The following EPM2A variants were observed in gnomAD, a reference collection of about 807,000 sequenced individuals.
EPM2A encodes the protein laforin.
In EPM2A, 21 loss-of-function variants were observed where a neutral mutation model predicts 26.5. The observed-to-expected ratio is 0.79, with a 90% CI of 0.56 to 1.14. The LOEUF is 1.14. Among genes scored for constraint, EPM2A ranks in the 50% most tolerant of loss-of-function variants. The pLI is 0.00. For missense variants in EPM2A, 458 were observed against 440.8 expected (o/e 1.04, Z -0.35); for synonymous variants, 217 against 177.6 (o/e 1.22, Z -1.76).
At chr6:145,535,436 A>G (rs1780418066) in intron 2 of EPM2A, among the ~76,000 whole-genome samples, 2 of 152,154 alleles carry the variant, frequency 1.3e-5, no homozygotes, top group Non-Finnish European at 2.9e-5. Flanking sequence ...AATTGGTTTG[A>G]GGTGGGATCT....
At chr6:145,565,264 A>T (rs1309460625) in intron 2 of EPM2A, among the ~76,000 whole-genome samples, 2 of 152,104 alleles carry the variant, frequency 1.3e-5, no homozygotes, top group African/African-American at 2.4e-5. Context: ...CCAGAAAATG[A>T]CACAGTCCCC....
At chr6:145,497,542 G>C (rs1779837275), downstream of EPM2A, among the ~76,000 whole-genome samples, 1 of 47,900 alleles carries the variant, frequency 2.1e-5, no homozygotes, top group Non-Finnish European at 4.9e-5. Context: ...ACTTAAGGAA[G>C]TGATCTAGCC....
intron 4 of EPM2A, among the ~76,000 whole-genome samples, chr6:145,409,951 G>C (rs1007810058): frequency 6.6e-6 from 1 of 152,164 alleles, no homozygotes; most frequent in African/African-American, 2.4e-5. Flanking sequence ...AGAGACCAAG[G>C]TGACAGTTAC....
intron 4 of EPM2A, among the ~76,000 whole-genome samples, chr6:145,458,073 A>T (rs895314231): frequency 3.9e-5 from 6 of 152,158 alleles, no homozygotes; most frequent in African/African-American, 1.4e-4. Context: ...TCAGTGCTAC[A>T]CTCACCTATG....
chr6:145,514,985 G>A lies in EPM2A; in HGVS notation c.341-12410C>T, dbSNP rs899247127. 3.5e-4 allele frequency among the ~76,000 whole-genome samples: 53 copies of A among 152,300 alleles called. 1 individual carries two copies. Among genetic ancestry groups the A allele is most frequent in the South Asian group, 2.1e-4 (1 of 4,828 alleles). On this transcript the variant is annotated intron_variant, in intron 2 of 3. Coordinates refer to the EPM2A transcript ENST00000450221. ...AGAAGTACATTGCTGGGGAGCACTTGCATATTTGGAAAGCTCTGCACTAGC... is the reference window on the plus strand; with the variant it reads ...AGAAGTACATTGCTGGGGAGCACTTACATATTTGGAAAGCTCTGCACTAGC...
At chr6:145,517,158 G>C (rs1780139384) in intron 2 of EPM2A, among the ~76,000 whole-genome samples, 1 of 152,132 alleles carries the variant, frequency 6.6e-6, no homozygotes, top group African/African-American at 2.4e-5. Context: ...CAAACTCATA[G>C]AAACTAAAAG....
chr6:145,425,597 C>T (rs894812796), intron 4 of EPM2A, among the ~76,000 whole-genome samples: 2 of 148,880 alleles, frequency 1.3e-5, no homozygotes, highest in Non-Finnish European at 3.0e-5. Context: ...TAAATCAATC[C>T]ATTCCTTTAA....
intron 2 of EPM2A, among the ~76,000 whole-genome samples, chr6:145,547,774 CACA>C (rs1042619423): frequency 2.0e-5 from 3 of 152,180 alleles, no homozygotes; most frequent in Admixed American, 6.5e-5. Flanking sequence ...GGGCAAATTA[CACA>C]ACAAGAGGAC....
downstream of EPM2A, among the ~76,000 whole-genome samples, chr6:145,624,198 T>C (rs1383267078): frequency 6.6e-6 from 1 of 152,152 alleles, no homozygotes; most frequent in Non-Finnish European, 1.5e-5. Context: ...GCTGCTCCCT[T>C]TTCCTACTGC....
intron 4 of EPM2A, among the ~76,000 whole-genome samples, chr6:145,495,983 T>A (rs1362894922): frequency 6.6e-6 from 1 of 152,244 alleles, no homozygotes; most frequent in Non-Finnish European, 1.5e-5. Context: ...GAAGCTCTTC[T>A]AAGGCATGTC....
chr6:145,668,233 G>C (rs1779376826), intron 2 of EPM2A, among the ~76,000 whole-genome samples: 1 of 152,056 alleles, frequency 6.6e-6, no homozygotes, highest in South Asian at 2.1e-4. Flanking sequence ...ATAGAAGAAA[G>C]GGGTGTTGGG....
intron 4 of EPM2A, among the ~76,000 whole-genome samples, chr6:145,450,350 CAAAAAAAAAA>C (rs368618860): frequency 1.6e-5 from 1 of 62,494 alleles, no homozygotes; most frequent in African/African-American, 6.9e-5. Context: ...GACTCCGTCT[CAAAAAAAAAA>C]AAAAAAAAAA....
chr6:145,437,574 T>C (rs1177041181), intron 4 of EPM2A, among the ~76,000 whole-genome samples: 2 of 152,236 alleles, frequency 1.3e-5, no homozygotes, highest in Non-Finnish European at 2.9e-5. Context: ...TGCCACCTCA[T>C]TGGCATTATT....
chr6:145,705,635 T>C (rs1782180741), intron 1 of EPM2A: 1 of 447,656 alleles, frequency 2.2e-6, no homozygotes, highest in South Asian at 1.6e-5. Context: ...TAGGGGCTCT[T>C]GTTCACATTG....
intron 4 of EPM2A, among the ~76,000 whole-genome samples, chr6:145,394,462 C>T (rs975079652): frequency 1.3e-5 from 2 of 152,102 alleles, no homozygotes; most frequent in African/African-American, 2.4e-5. Flanking sequence ...AAACCTCTAC[C>T]CAATATAAGA....
chr6:145,629,153 A>G (rs1776056033), intron 3 of EPM2A: 1 of 152,332 alleles, frequency 6.6e-6, no homozygotes, highest in South Asian at 2.1e-4. Context: ...GAACGTTTGT[A>G]CCTGGAATGC....
In EPM2A at chr6:145,708,903, A is replaced by G. The variant is rs376319933; in HGVS notation, c.302-22607T>C. On this transcript the variant is annotated intron_variant, in intron 1 of 3. Coordinates refer to ENST00000367519, the MANE Select transcript of EPM2A (RefSeq NM_005670.4). Reference sequence around the variant, plus strand: ...AGCCAGGAGTGGGGCTGGACACTGCAAAGTCTTGCATTAGTGTGACCTGGA... The same window carrying G: ...AGCCAGGAGTGGGGCTGGACACTGCGAAGTCTTGCATTAGTGTGACCTGGA... 8.5e-5 allele frequency among the ~76,000 whole-genome samples: 13 copies of G among 152,274 alleles called. No individual in the cohort carries two copies. The East Asian group carries it at 2.5e-3, about 29-fold the overall frequency.
At chr6:145,485,503 A>G (rs2114736758) in intron 4 of EPM2A, among the ~76,000 whole-genome samples, 1 of 152,180 alleles carries the variant, frequency 6.6e-6, no homozygotes, top group East Asian at 1.9e-4. Context: ...CAGAGAGAGA[A>G]GTGAATGAAC....
chr6:145,416,279 T>G (rs1489146794), intron 4 of EPM2A, among the ~76,000 whole-genome samples: 1 of 151,330 alleles, frequency 6.6e-6, no homozygotes, highest in African/African-American at 2.4e-5. Context: ...CAGATTGTCA[T>G]TAACACAACA....
Sources: gnomAD v4.1 joint callset for allele counts (sites outside exome capture counted in the v4.1 genomes callset) on GRCh38, gnomAD v4.1.1 for gene constraint, MANE v1.5 for transcripts, NCBI Gene and HGNC (gene_info 2026-07-23, HGNC 2026-07-21) for gene names.